FRMPD4: variants seen among roughly 807,000 people sequenced by gnomAD.
FRMPD4 encodes the protein FERM and PDZ domain containing 4.
Under a neutral mutation model 94.1 loss-of-function variants are expected in FRMPD4, and 22 were observed. That is an observed-to-expected ratio of 0.23 (90% CI 0.17 to 0.33). The LOEUF (loss-of-function observed/expected upper bound fraction) is 0.33. Ranked by LOEUF, FRMPD4 falls within the 10% of genes least tolerant of loss-of-function variation. The pLI, the probability that FRMPD4 is intolerant of heterozygous loss-of-function variation, is 1.00. For missense variants in FRMPD4, 1,111 were observed against 1,339.9 expected, an observed-to-expected ratio of 0.83 and a Z score of 2.67; for synonymous variants, 631 against 548.6, an observed-to-expected ratio of 1.15 and a Z score of -2.10.
intron 3 of FRMPD4, among the ~76,000 whole-genome samples, chrX:11,892,939 T>C (rs2053883285): frequency 1.8e-5 from 2 of 112,080 alleles, no homozygotes; most frequent in Admixed American, 1.9e-4. Flanking sequence ...AAAAAAATTC[T>C]TGGGGGTTAC....
intron 1 of FRMPD4, among the ~76,000 whole-genome samples, chrX:12,233,081 G>A (rs141113981): frequency 0.013 from 1,440 of 111,710 alleles, 6 homozygotes; most frequent in Non-Finnish European, 0.021. Context: ...CCCACTCTAC[G>A]CTCTTGTTCC....
chrX:12,423,057 GA>G (rs1176930991), intron 1 of FRMPD4, among the ~76,000 whole-genome samples: 1 of 110,556 alleles, frequency 9.0e-6, no homozygotes, highest in African/African-American at 3.3e-5. Context: ...AGGTTTCCAA[GA>G]GCAAAGTCTA....
intron 3 of FRMPD4, among the ~76,000 whole-genome samples, chrX:12,081,935 G>A (rs1277802767): frequency 8.9e-6 from 1 of 111,968 alleles, no homozygotes; most frequent in African/African-American, 3.2e-5. Flanking sequence ...GATGTAGCCC[G>A]ATTGACAATA....
chrX:12,546,241 C>T (rs1452755925), intron 2 of FRMPD4, among the ~76,000 whole-genome samples: 7 of 106,689 alleles, frequency 6.6e-5, no homozygotes, highest in African/African-American at 1.0e-4. Flanking sequence ...AGTGCGGTGG[C>T]GTGGTCTCTG....
intron 1 of FRMPD4, among the ~76,000 whole-genome samples, chrX:12,170,858 C>A (rs1194775557): frequency 8.9e-6 from 1 of 112,912 alleles, no homozygotes; most frequent in South Asian, 3.6e-4. Flanking sequence ...CATCTAGAAA[C>A]CCCTTGTTGG....
At chrX:12,034,972 G>A (rs1407984222) in intron 3 of FRMPD4, among the ~76,000 whole-genome samples, 1 of 111,918 alleles carries the variant, frequency 8.9e-6, no homozygotes, top group African/African-American at 3.3e-5. Flanking sequence ...TCTTAAAACT[G>A]CTTCACTCCA....
intron 5 of FRMPD4, among the ~76,000 whole-genome samples, chrX:12,678,362 G>A (rs1237251665): frequency 8.9e-6 from 1 of 112,230 alleles, no homozygotes; most frequent in African/African-American, 3.2e-5. Flanking sequence ...GTTACTCATG[G>A]GTTTTATTTG....
chrX:12,167,751 A>G (rs776342987), intron 1 of FRMPD4, among the ~76,000 whole-genome samples: 2 of 112,152 alleles, frequency 1.8e-5, no homozygotes, highest in Admixed American at 1.9e-4. Flanking sequence ...TTTGTTTCCA[A>G]CAGCTATTGG....
At chrX:12,216,595 C>T (rs2056809885) in intron 1 of FRMPD4, among the ~76,000 whole-genome samples, 1 of 111,540 alleles carries the variant, frequency 9.0e-6, no homozygotes, top group Non-Finnish European at 1.9e-5. Flanking sequence ...CCACCATCCA[C>T]ATCCACCCAC....
At chrX:12,319,459 G>A (rs1483286619) in intron 1 of FRMPD4, among the ~76,000 whole-genome samples, 2 of 112,057 alleles carry the variant, frequency 1.8e-5, no homozygotes, top group South Asian at 3.7e-4. Flanking sequence ...GACCCAGGTG[G>A]TTCCCATGTG....
intron 7 of FRMPD4, among the ~76,000 whole-genome samples, chrX:12,689,970 T>G (rs1024302244): frequency 8.9e-6 from 1 of 112,642 alleles, no homozygotes; most frequent in African/African-American, 3.2e-5. Context: ...TGTTGTGAAC[T>G]CCATAAAGAT....
chrX:12,676,166 A>G (rs2059896523), intron 5 of FRMPD4, among the ~76,000 whole-genome samples: 1 of 112,387 alleles, frequency 8.9e-6, no homozygotes, highest in African/African-American at 3.2e-5. Flanking sequence ...CTTGAGATCT[A>G]GCTCACAGCA....
At chrX:12,278,239 A>G (rs2054471877) in intron 1 of FRMPD4, among the ~76,000 whole-genome samples, 1 of 112,450 alleles carries the variant, frequency 8.9e-6, no homozygotes, top group Non-Finnish European at 1.9e-5. Flanking sequence ...AGTCAGAAGA[A>G]GTACCAAGCC....
intron 1 of FRMPD4, among the ~76,000 whole-genome samples, chrX:12,405,823 G>A (rs2056660089): frequency 9.0e-6 from 1 of 110,996 alleles, no homozygotes; most frequent in Non-Finnish European, 1.9e-5. Flanking sequence ...GGGACAATGG[G>A]GCAGGTTCTA....
At chrX:12,290,179 C>T (rs764626454) in intron 1 of FRMPD4, among the ~76,000 whole-genome samples, 15 of 111,805 alleles carry the variant, frequency 1.3e-4, no homozygotes, top group Non-Finnish European at 2.6e-4. Context: ...ATTAGCAAGA[C>T]AGGGCTATCA....
chrX:12,687,147 G>A (rs1206679734), intron 7 of FRMPD4, among the ~76,000 whole-genome samples: 9 of 111,838 alleles, frequency 8.0e-5, no homozygotes, highest in Non-Finnish European at 1.7e-4. Context: ...CATTCACTGT[G>A]TATTCTTATT....
At chrX:12,052,446 A>G (rs1179767007) in intron 3 of FRMPD4, among the ~76,000 whole-genome samples, 1 of 112,100 alleles carries the variant, frequency 8.9e-6, no homozygotes, top group Non-Finnish European at 1.9e-5. Context: ...GCATTTGAGT[A>G]CTCAGTGTCT....
chrX:12,293,432 TACTC>T (rs2054719580), intron 1 of FRMPD4, among the ~76,000 whole-genome samples: 1 of 112,933 alleles, frequency 8.9e-6, no homozygotes, highest in African/African-American at 3.2e-5. Context: ...TCCATTTTAA[TACTC>T]ACAGAAACAC....
chrX:12,489,047 G>A (rs1374079755), intron 1 of FRMPD4, among the ~76,000 whole-genome samples: 3 of 111,850 alleles, frequency 2.7e-5, no homozygotes, highest in Non-Finnish European at 5.7e-5. Flanking sequence ...TATGACTCAT[G>A]AATCTGAAAA....
Sources: gnomAD v4.1 joint callset for allele counts (sites outside exome capture counted in the v4.1 genomes callset) on GRCh38, gnomAD v4.1.1 for gene constraint, MANE v1.5 for transcripts, NCBI Gene and HGNC (gene_info 2026-07-23, HGNC 2026-07-21) for gene names.